Variants in EVC2 observed in about 807,000 individuals in gnomAD.
EVC2 encodes limbin.
In EVC2, 148 loss-of-function variants were observed where a neutral mutation model predicts 149.3. The ratio of observed to expected loss-of-function variants is 0.99; its 90% CI spans 0.87 to 1.14. The LOEUF (loss-of-function observed/expected upper bound fraction) is 1.14. EVC2 is among the 50% of genes most tolerant of loss of function. The pLI, the probability that EVC2 is intolerant of heterozygous loss-of-function variation, is 0.00. For synonymous variants in EVC2, 776 were observed against 649.9 expected, an observed-to-expected ratio of 1.19 and a Z score of -2.95; for missense variants, 1,854 against 1,627.3, an observed-to-expected ratio of 1.14 and a Z score of -2.40.
intron 9 of EVC2, among the ~76,000 whole-genome samples, chr4:5,645,478 T>C (rs1717646108): frequency 6.6e-6 from 1 of 152,196 alleles, no homozygotes; most frequent in Non-Finnish European, 1.5e-5. Context: ...GTTCTCATCA[T>C]TTAGCTCCCA....
At chr4:5,701,634 A>G (rs1375079661) in intron 1 of EVC2, among the ~76,000 whole-genome samples, 1 of 152,160 alleles carries the variant, frequency 6.6e-6, no homozygotes, top group Non-Finnish European at 1.5e-5. Flanking sequence ...TCAGATGTTA[A>G]AGGTCATTTA....
intron 21 of EVC2, among the ~76,000 whole-genome samples, chr4:5,557,060 A>G (rs959114794): frequency 3.3e-5 from 5 of 152,164 alleles, no homozygotes; most frequent in African/African-American, 1.2e-4. Flanking sequence ...CAGAAAGAAT[A>G]CTTCCTAACT....
At chr4:5,654,688 C>G (rs1303905435) in intron 9 of EVC2, among the ~76,000 whole-genome samples, 3 of 152,164 alleles carry the variant, frequency 2.0e-5, no homozygotes, top group African/African-American at 7.2e-5. Context: ...TTGGCCTGGG[C>G]GTGCATGGTT....
At chr4:5,572,637 T>C (rs1175972693) in intron 19 of EVC2, among the ~76,000 whole-genome samples, 1 of 152,220 alleles carries the variant, frequency 6.6e-6, no homozygotes, top group Non-Finnish European at 1.5e-5. Context: ...AGAATTTCTA[T>C]TCTTTATAAA....
rs1560174969 is a variant in EVC2 at position 5,625,561 on chromosome 4, T to C, written c.2046+188A>G. Among the ~76,000 whole-genome samples, 1 of 152,212 alleles carries C rather than the reference T, an allele frequency of 6.6e-6. No homozygotes were observed. Among genetic ancestry groups the C allele is most frequent in the Non-Finnish European group, 1.5e-5 (1 of 68,042 alleles). ...CTGTGCTTGGGCTGGATAAGAATTG[T>C]AGCATCCTGCTGAACACAGCATTCC... is the stretch of plus-strand genomic sequence containing the variant. On this transcript the variant is annotated intron_variant, in intron 13 of 21. Transcript: ENST00000344408. This position sits in a 1 kb window ranked among gnomAD's most constrained non-coding sequence, Gnocchi z 4.0.
intron 4 of EVC2, 39 bp from the exon 5 acceptor site, chr4:5,689,382 A>C (rs769090831): frequency 1.4e-4 from 218 of 1,610,642 alleles, no homozygotes; most frequent in Non-Finnish European, 1.8e-4. Flanking sequence ...AGATTTGCTG[A>C]CAAGTCCAGC....
At chr4:5,566,927 A>G (rs1008861632) in intron 20 of EVC2, among the ~76,000 whole-genome samples, 1 of 152,148 alleles carries the variant, frequency 6.6e-6, no homozygotes, top group Admixed American at 6.5e-5. Flanking sequence ...CAGGCAGCAC[A>G]CTGGGAAAAC....
chr4:5,612,222 C>A (rs921583212), intron 16 of EVC2, among the ~76,000 whole-genome samples: 5 of 152,196 alleles, frequency 3.3e-5, no homozygotes, highest in Admixed American at 3.3e-4. Flanking sequence ...ACAAGCAAGA[C>A]CTTAACTTTT....
rs905820650 is a variant in EVC2, at chr4:5,696,504, G to C, written c.283+1089C>G. On this transcript the variant is annotated intron_variant, in intron 2 of 21. Transcript: ENST00000344408. This position sits in a 1 kb window ranked among gnomAD's most constrained non-coding sequence, Gnocchi z 4.1. The stretch of plus-strand genomic sequence containing the variant: ...GCCGGGGACCCACGCTGAGCCCAGG[G>C]GCCTGCACTGGAACTGTCACAGCCG... Among the ~76,000 whole-genome samples, 2 of 152,316 alleles carry C rather than the reference G, an allele frequency of 1.3e-5. No individual in the cohort carries two copies. Among genetic ancestry groups the C allele is most frequent in the East Asian group, 3.9e-4 (2 of 5,164 alleles).
Position 5,576,302 on chromosome 4 carries a change from G to C in EVC2, c.3210C>G (p.Val1070=), listed in dbSNP as rs1722925677. 1.9e-6 allele frequency: 3 copies of C among 1,614,168 alleles called. No homozygotes were observed. The highest frequency in any genetic ancestry group is 2.5e-6 in the Non-Finnish European group (3 of 1,180,030). ...EPGEVDSERQ[V]STVLHQALSK... Reference sequence around the variant, plus strand: ...TCAGGGCTTGGTGCAGGACAGTAGAGACCTGCCTTTCAGAATCCACCTCCC... The same window carrying C: ...TCAGGGCTTGGTGCAGGACAGTAGACACCTGCCTTTCAGAATCCACCTCCC... Residue 1070 remains valine, a synonymous_variant, in exon 18 of 22, where the codon GTC becomes GTG. Transcript: ENST00000344408. This position sits in a 1 kb window ranked among gnomAD's most constrained non-coding sequence, Gnocchi z 4.5.
chr4:5,686,756 T>C lies in EVC2; in HGVS notation c.707-1277A>G, dbSNP rs561795884. 3.9e-5 allele frequency among the ~76,000 whole-genome samples: 6 copies of C among 152,232 alleles called. No homozygotes were observed. The highest frequency in any genetic ancestry group is 1.2e-4 in the African/African-American group (5 of 41,542). ...ATGAACTGGGACCTGACTGGTCATT[T>C]GATTTTATAGTTATCTACTTATGCT... On this transcript the variant is annotated intron_variant, in intron 5 of 21. Coordinates refer to ENST00000344408, the MANE Select transcript of EVC2 (RefSeq NM_147127.5). This position sits in a 1 kb window ranked among gnomAD's most constrained non-coding sequence, Gnocchi z 5.4.
chr4:5,559,219 TAAAAA>T (rs969997842), downstream of EVC2, among the ~76,000 whole-genome samples: 1 of 151,740 alleles, frequency 6.6e-6, no homozygotes, highest in Non-Finnish European at 1.5e-5. The surrounding 1 kb of genome is among the most constrained non-coding windows in gnomAD (Gnocchi z 5.0). Context: ...AAAAAAATAA[TAAAAA>T]AGAAAACGGG....
chr4:5,674,296 T>C (rs1719854025), intron 7 of EVC2, among the ~76,000 whole-genome samples: 1 of 152,266 alleles, frequency 6.6e-6, no homozygotes, highest in African/African-American at 2.4e-5. Context: ...AAATAGCATC[T>C]GGAGTAGAGA....
intron 5 of EVC2, among the ~76,000 whole-genome samples, chr4:5,688,538 C>T (rs1465546511): frequency 6.6e-6 from 1 of 152,166 alleles, no homozygotes; most frequent in Non-Finnish European, 1.5e-5. Context: ...ATGGTACCAA[C>T]TGAATCCCAG....
intron 1 of EVC2, among the ~76,000 whole-genome samples, chr4:5,704,668 C>T (rs1047956053): frequency 4.6e-5 from 7 of 152,124 alleles, no homozygotes; most frequent in Non-Finnish European, 5.9e-5. Context: ...CACTCATGAT[C>T]TCCATCTTTC....
intron 6 of EVC2, among the ~76,000 whole-genome samples, chr4:5,683,781 C>T (rs1399980944): frequency 9.5e-6 from 1 of 105,502 alleles, no homozygotes; most frequent in Non-Finnish European, 2.3e-5. Flanking sequence ...CCCAGGAACA[C>T]ACACAGCTGG....
intron 21 of EVC2, among the ~76,000 whole-genome samples, chr4:5,564,890 C>T (rs964716096): frequency 6.6e-5 from 10 of 152,190 alleles, no homozygotes; most frequent in African/African-American, 2.4e-4. Flanking sequence ...CTTCTGACCT[C>T]CCTGAGCTTC....
At chr4:5,663,554 T>C (rs1719048211) in intron 8 of EVC2, among the ~76,000 whole-genome samples, 1 of 152,202 alleles carries the variant, frequency 6.6e-6, no homozygotes, top group Admixed American at 6.5e-5. Flanking sequence ...ATCTTTATCA[T>C]TATCAGGTAG....
rs758622822 is a variant in EVC2, at chr4:5,543,219, C to A, written c.3420-7G>T. 47 of 1,289,614 alleles carry A rather than the reference C, an allele frequency of 3.6e-5. 1 individual carries two copies. The South Asian group carries it at 5.6e-4, about 15-fold the overall frequency. 79.9% of individuals were successfully genotyped at this position (1,289,614 alleles called of 1,614,324 possible). On this transcript the variant is annotated splice_region_variant and splice_polypyrimidine_tract_variant and intron_variant and NMD_transcript_variant, in intron 21 of 22. Transcript: ENST00000475313. The stretch of plus-strand genomic sequence containing the variant: ...GCTCTCTTGGTTCCCTGACCTGGAA[C>A]AGGATACAATCCTGGTCTAACCAAA...
Sources: allele counts gnomAD v4.1 joint callset (sites outside exome capture counted in the v4.1 genomes callset), GRCh38; gene constraint gnomAD v4.1.1; non-coding constraint Gnocchi (gnomAD v3.1); transcripts MANE v1.5; gene names NCBI Gene and HGNC (gene_info 2026-07-23, HGNC 2026-07-21).